Variants in SCN9A observed in about 807,000 individuals in gnomAD.
SCN9A encodes sodium voltage-gated channel alpha subunit 9.
Under a neutral mutation model 187.0 loss-of-function variants are expected in SCN9A, and 131 were observed. The observed-to-expected ratio is 0.70, with a 90% CI of 0.61 to 0.81. The LOEUF is 0.81. Among genes scored for constraint, SCN9A ranks in the 30% least tolerant of loss-of-function variants. The probability of loss-of-function intolerance (pLI) is 0.00; values close to 1 mark genes in which losing one functional copy is unlikely to be tolerated. For synonymous variants in SCN9A, 809 were observed against 808.6 expected (o/e 1.00, Z -0.01); for missense variants, 2,252 against 2,396.6 (o/e 0.94, Z 1.26).
At chr2:166,323,887 G>A (rs567666371) in intron 1 of SCN9A, among the ~76,000 whole-genome samples, 57 of 151,496 alleles carry the variant, frequency 3.8e-4, no homozygotes, top group East Asian at 2.0e-4. Flanking sequence ...GATAACTTTT[G>A]ACATCTCTTG....
chr2:166,338,249 A>G (rs973763006), intron 1 of SCN9A, among the ~76,000 whole-genome samples: 1 of 152,004 alleles, frequency 6.6e-6, no homozygotes, highest in Admixed American at 6.6e-5. Flanking sequence ...AACAACTGCA[A>G]CTCTGTATGA....
At chr2:166,344,335 CTGA>C (rs2105287389) in intron 1 of SCN9A, among the ~76,000 whole-genome samples, 1 of 152,080 alleles carries the variant, frequency 6.6e-6, no homozygotes, top group African/African-American at 2.4e-5. Context: ...TCATTTGAAG[CTGA>C]TAATAGCACT....
At chr2:166,324,807 A>T (rs989613399) in intron 1 of SCN9A, among the ~76,000 whole-genome samples, 6 of 152,194 alleles carry the variant, frequency 3.9e-5, no homozygotes, top group Non-Finnish European at 8.8e-5. Flanking sequence ...AACATCATCA[A>T]AAACAAGGAA....
At chr2:166,285,205 A>T (rs186131277) in intron 11 of SCN9A, among the ~76,000 whole-genome samples, 1 of 152,346 alleles carries the variant, frequency 6.6e-6, no homozygotes, top group African/African-American at 2.4e-5. Context: ...TTCACAAAAA[A>T]ATTGGAAATC....
intron 21 of SCN9A, among the ~76,000 whole-genome samples, chr2:166,231,364 G>T (rs780064674): frequency 6.6e-6 from 1 of 152,084 alleles, no homozygotes; most frequent in Non-Finnish European, 1.5e-5. Context: ...CTTGGAAACC[G>T]TTATACACTG....
At chr2:166,366,364 T>A (rs71428918) in intron 1 of SCN9A, among the ~76,000 whole-genome samples, 1 of 152,220 alleles carries the variant, frequency 6.6e-6, no homozygotes, top group Non-Finnish European at 1.5e-5. Flanking sequence ...CTTCTTTTTT[T>A]AAGGCTAGAT....
chr2:166,232,489 T>C (rs78549439), intron 21 of SCN9A, among the ~76,000 whole-genome samples: 3,140 of 152,258 alleles, frequency 0.021, 119 homozygotes, highest in African/African-American at 0.072. Context: ...CCAGGTAGTT[T>C]CTTAAACAAA....
At chr2:166,218,671 T>A (rs1158091224) in intron 24 of SCN9A, among the ~76,000 whole-genome samples, 1 of 152,166 alleles carries the variant, frequency 6.6e-6, no homozygotes, top group Non-Finnish European at 1.5e-5. Context: ...AAAGATTTCA[T>A]GATGAAGACA....
At chr2:166,369,039 G>A (rs1253805178) in intron 1 of SCN9A, among the ~76,000 whole-genome samples, 1 of 151,346 alleles carries the variant, frequency 6.6e-6, no homozygotes, top group African/African-American at 2.4e-5. Flanking sequence ...GTTATTAAAT[G>A]CCTAGATACC....
intron 24 of SCN9A, among the ~76,000 whole-genome samples, chr2:166,226,181 C>T (rs762884196): frequency 1.8e-4 from 27 of 152,142 alleles, no homozygotes; most frequent in Non-Finnish European, 3.5e-4. Context: ...TCCCCAAGCT[C>T]CAACCCAATA....
chr2:166,241,521 A>T (rs1695564177), intron 19 of SCN9A, among the ~76,000 whole-genome samples: 1 of 151,986 alleles, frequency 6.6e-6, no homozygotes, highest in African/African-American at 2.4e-5. Context: ...TTCCCACCAC[A>T]CTTGCAGTTC....
chr2:166,294,785 G>A, intron 7 of SCN9A, 123 bp from the exon 8 acceptor site: 1 of 522,970 alleles, frequency 1.9e-6, no homozygotes. Context: ...CAGGCAATAT[G>A]CATCCATTTA....
At chr2:166,199,994 T>G (rs1403823218) in intron 26 of SCN9A, 130 bp from the exon 27 acceptor site, 5 of 515,900 alleles carry the variant, frequency 9.7e-6, no homozygotes, top group South Asian at 3.5e-5. Flanking sequence ...TTTTTTTTTT[T>G]TTTTTTTTTT....
chr2:166,357,803 T>A (rs529029702), intron 1 of SCN9A, among the ~76,000 whole-genome samples: 3 of 152,236 alleles, frequency 2.0e-5, no homozygotes, highest in African/African-American at 7.2e-5. Context: ...TTGCATTGCT[T>A]GATGCTCACT....
intron 1 of SCN9A, among the ~76,000 whole-genome samples, chr2:166,356,736 A>G (rs1700159235): frequency 1.3e-5 from 2 of 152,168 alleles, no homozygotes; most frequent in Admixed American, 6.5e-5. Context: ...ACATTGTTTC[A>G]TACCTTCCTT....
At chr2:166,294,504 G>A in intron 8 of SCN9A, 95 bp downstream of exon 8, 1 of 809,000 alleles carries the variant, frequency 1.2e-6, no homozygotes, top group South Asian at 1.7e-5. Context: ...TATATAAAAA[G>A]CAATATAGAA....
chr2:166,303,197 T>C lies in SCN9A; in HGVS notation c.794A>G (p.Gln265Arg), dbSNP rs760189302. The change falls in exon 7 of 27, where the codon CAG becomes CGG. Residue 265 changes from glutamine (Q) to arginine (R), a missense_variant. Gln to Arg is a conservative substitution (Grantham distance 43). Around this residue, in one of 7 missense-constraint regions of SCN9A, gnomAD observed 1,013 missense variants for 997.4 expected, o/e 1.02. Transcript: ENST00000642356. ...ATGCTTCAGGTTTCCCATGAACAGC[T>C]GTAGTCCAATTAGTGCAAACACACT... is the stretch of plus-strand genomic sequence containing the variant. ...CLSVFALIGL[Q>R]LFMGNLKHKC... 6.2e-7 allele frequency: 1 copy of C among 1,613,756 alleles called. No individual in the cohort carries two copies. The highest frequency in any genetic ancestry group is 8.5e-7 in the Non-Finnish European group (1 of 1,179,770).
At chr2:166,296,235 G>T (rs1698294743) in intron 7 of SCN9A, 1 of 151,080 alleles carries the variant, frequency 6.6e-6, no homozygotes, top group African/African-American at 2.4e-5. Flanking sequence ...ATAGGATATT[G>T]CATGTAAACC....
chr2:166,315,063 G>A (rs1386088394), intron 1 of SCN9A, among the ~76,000 whole-genome samples: 1 of 152,182 alleles, frequency 6.6e-6, no homozygotes, highest in Admixed American at 6.5e-5. Context: ...AAGAGATTTA[G>A]TAAAAAGGAA....
Sources: gnomAD v4.1 joint callset for allele counts (sites outside exome capture counted in the v4.1 genomes callset) on GRCh38, gnomAD v4.1.1 for gene constraint, gnomAD v4.1.1 regional missense constraint, MANE v1.5 for transcripts, NCBI Gene and HGNC (gene_info 2026-07-23, HGNC 2026-07-21) for gene names.